Variants in PGPEP1 observed in about 807,000 individuals in gnomAD.
PGPEP1 encodes the protein pyroglutamyl-peptidase I.
In PGPEP1, 15 loss-of-function variants were observed where a neutral mutation model predicts 24.1. That is an observed-to-expected ratio of 0.62 (90% CI 0.42 to 0.96). The LOEUF (loss-of-function observed/expected upper bound fraction) is 0.96. PGPEP1 is among the 40% of genes least tolerant of loss of function. The pLI is 0.00. For synonymous variants in PGPEP1, 122 were observed against 116.4 expected, an observed-to-expected ratio of 1.05 and a Z score of -0.31; for missense variants, 242 against 273.4, an observed-to-expected ratio of 0.89 and a Z score of 0.81.
rs375056204 is a variant in PGPEP1, at chr19:18,363,628, C to T, written c.*45C>T. 5.2e-5 allele frequency: 76 copies of T among 1,465,572 alleles called. No individual in the cohort carries two copies. The highest frequency in any genetic ancestry group is 4.2e-4 in the East Asian group (18 of 42,894). The allele number at this position is 1,465,572 out of a possible 1,614,324, so 90.8% of individuals were successfully genotyped here. A position where few individuals can be genotyped will look rare whatever the true frequency, so the allele number is the denominator to read the frequency against. ...AGACCTCATCCTGCTGGGGACCCCA[C>T]GAGGGGACATCCACCCTCTGGGGTG... is the stretch of plus-strand genomic sequence containing the variant. On this transcript the variant is annotated 3_prime_UTR_variant, in exon 5 of 5. Coordinates refer to ENST00000269919, the MANE Select transcript of PGPEP1 (RefSeq NM_017712.4).
chr19:18,356,178 A>G (rs1971180692), intron 3 of PGPEP1, among the ~76,000 whole-genome samples, 167 bp downstream of exon 3: 1 of 152,212 alleles, frequency 6.6e-6, no homozygotes, highest in Admixed American at 6.6e-5. Context: ...CATGCCTGTA[A>G]TCCCAGCACG....
intron 1 of PGPEP1, among the ~76,000 whole-genome samples, chr19:18,342,309 G>A (rs1970693549): frequency 6.6e-6 from 1 of 152,138 alleles, no homozygotes; most frequent in Non-Finnish European, 1.5e-5. Flanking sequence ...CCTGGAAACT[G>A]GGCCTAGGAA....
chr19:18,346,633 CTTTT>C (rs775309565), intron 2 of PGPEP1, among the ~76,000 whole-genome samples: 21 of 79,532 alleles, frequency 2.6e-4, no homozygotes, highest in East Asian at 1.4e-3. Context: ...CTGTTTCTCT[CTTTT>C]TTTTTTTTTT....
intron 2 of PGPEP1, among the ~76,000 whole-genome samples, chr19:18,344,877 A>G (rs1463675473): frequency 6.6e-6 from 1 of 152,106 alleles, no homozygotes; most frequent in African/African-American, 2.4e-5. Flanking sequence ...CAATCTTTGG[A>G]AATCCCTCCG....
Position 18,355,979 on chromosome 19 carries a change from A to G in PGPEP1, c.172A>G (p.Ile58Val), listed in dbSNP as rs765484147. 20 of 1,612,614 alleles carry G rather than the reference A, an allele frequency of 1.2e-5. No homozygotes were observed. The South Asian group carries it at 2.2e-4, about 18-fold the overall frequency. ...TGAGTACCAAACAGTCCAGAGACTC[A>G]TCCCCGCCCTGTGGGAGAAGCACAG... ...PVEYQTVQRL[I>V]PALWEKHSPQ... Residue 58 changes from isoleucine to valine, a missense_variant, in exon 3 of 5, where the codon ATC (isoleucine) becomes GTC (valine). Physicochemically the swap from Ile to Val is conservative, Grantham distance 29. Transcript: ENST00000269919.
intron 2 of PGPEP1, among the ~76,000 whole-genome samples, chr19:18,350,706 G>A (rs8109195): frequency 0.025 from 3,776 of 152,334 alleles, 146 homozygotes; most frequent in African/African-American, 0.084. Flanking sequence ...TGAGATCTCC[G>A]TATAGTAATG....
At chr19:18,340,836 C>A in intron 1 of PGPEP1, 121 bp downstream of exon 1, 1 of 724,486 alleles carries the variant, frequency 1.4e-6, no homozygotes, top group Non-Finnish European at 2.0e-6. Flanking sequence ...AAGGTGTCAT[C>A]ACCCGCGGGA....
intron 2 of PGPEP1, among the ~76,000 whole-genome samples, chr19:18,345,593 C>T (rs550727642): frequency 1.6e-3 from 240 of 150,834 alleles, no homozygotes; most frequent in African/African-American, 5.3e-3. Context: ...GGAGTGGTGG[C>T]GCATGCCTGT....
At chr19:18,358,559 C>T (rs1407131616) in intron 4 of PGPEP1, among the ~76,000 whole-genome samples, 1 of 151,020 alleles carries the variant, frequency 6.6e-6, no homozygotes, top group Non-Finnish European at 1.5e-5. Context: ...TGCGCCCAGC[C>T]GACCTCATCT....
At chr19:18,355,305 G>C (rs1054614274) in intron 2 of PGPEP1, among the ~76,000 whole-genome samples, 1 of 151,164 alleles carries the variant, frequency 6.6e-6, no homozygotes, top group Admixed American at 6.6e-5. Context: ...TTGTTGCCCA[G>C]GCTGGAGTGC....
intron 4 of PGPEP1, 77 bp downstream of exon 4, chr19:18,357,692 G>A (rs551983473): frequency 4.4e-4 from 478 of 1,080,446 alleles, no homozygotes; most frequent in Non-Finnish European, 6.2e-4. Context: ...CAAGCCAAGC[G>A]TGTTGACCTT....
intron 2 of PGPEP1, among the ~76,000 whole-genome samples, chr19:18,348,729 C>T: frequency 6.6e-6 from 1 of 152,232 alleles, no homozygotes; most frequent in East Asian, 1.9e-4. Flanking sequence ...TGTGAACAGA[C>T]CTTAAGTTTC....
At position 18,357,368 on chromosome 19, in the gene PGPEP1, C is replaced by T. The variant is rs373546398; in HGVS notation, c.205-15C>T. The T allele has an allele frequency of 6.2e-7, 1 of 1,606,980 alleles. No individual in the cohort carries two copies. Among genetic ancestry groups the T allele is most frequent in the Non-Finnish European group, 8.5e-7 (1 of 1,174,768 alleles). ...CGGGCAGGCCATGTTAAGTCCTGCCCCTGTCTGTGTGCAGCTGGTGGTGCA... is the reference window on the plus strand; with the variant it reads ...CGGGCAGGCCATGTTAAGTCCTGCCTCTGTCTGTGTGCAGCTGGTGGTGCA... On this transcript the variant is annotated splice_polypyrimidine_tract_variant and intron_variant, in intron 3 of 4. Transcript: ENST00000269919.
At chr19:18,357,658 C>T (rs375753272) in intron 4 of PGPEP1, 43 bp downstream of exon 4, 1 of 1,389,676 alleles carries the variant, frequency 7.2e-7, no homozygotes, top group Admixed American at 1.9e-5. Context: ...TTTCCCTCCT[C>T]CACCCACTGA....
intron 2 of PGPEP1, among the ~76,000 whole-genome samples, chr19:18,348,053 A>ACC (rs34223030): frequency 1.4e-4 from 20 of 148,114 alleles, no homozygotes; most frequent in Non-Finnish European, 2.8e-4. Context: ...TACAGAGGGG[A>ACC]CCCCCCCTTG....
At chr19:18,341,155 T>C (rs1970660861) in intron 1 of PGPEP1, among the ~76,000 whole-genome samples, 1 of 152,070 alleles carries the variant, frequency 6.6e-6, no homozygotes, top group African/African-American at 2.4e-5. Context: ...GCAGGAAGTG[T>C]CCCAGTGACA....
chr19:18,353,220 ATTT>A (rs371750193), intron 2 of PGPEP1, among the ~76,000 whole-genome samples: 2 of 141,742 alleles, frequency 1.4e-5, no homozygotes. Flanking sequence ...GGCCTGGTTC[ATTT>A]TTTTTTTTTT....
chr19:18,343,093 G>A, intron 2 of PGPEP1, among the ~76,000 whole-genome samples, 182 bp downstream of exon 2: 1 of 151,774 alleles, frequency 6.6e-6, no homozygotes, highest in East Asian at 1.9e-4. Flanking sequence ...TTCGCCTCCT[G>A]GGTTTAAGCG....
chr19:18,346,048 A>G (rs1207090814), intron 2 of PGPEP1, among the ~76,000 whole-genome samples: 1 of 150,536 alleles, frequency 6.6e-6, no homozygotes, highest in African/African-American at 2.4e-5. Context: ...GATCTCGAAC[A>G]TTCTCTGGTT....
Sources: allele counts gnomAD v4.1 joint callset (sites outside exome capture counted in the v4.1 genomes callset), GRCh38; gene constraint gnomAD v4.1.1; transcripts MANE v1.5; gene names NCBI Gene and HGNC (gene_info 2026-07-23, HGNC 2026-07-21).